The following COL6A3 variants were observed in gnomAD, a reference collection of about 807,000 sequenced individuals.
COL6A3 encodes the protein collagen type VI alpha 3 chain, also known as collagen alpha-3(VI) chain.
Under a neutral mutation model 274.1 loss-of-function variants are expected in COL6A3, and 137 were observed. The observed-to-expected ratio is 0.50, with a 90% confidence interval of 0.44 to 0.58. COL6A3 has a LOEUF of 0.58. Among genes scored for constraint, COL6A3 ranks in the 20% least tolerant of loss-of-function variants. The probability of loss-of-function intolerance (pLI) is 0.00; values close to 1 mark genes in which losing one functional copy is unlikely to be tolerated. For missense variants in COL6A3, 3,950 were observed against 4,124.9 expected (o/e 0.96, Z 1.16); for synonymous variants, 1,650 against 1,650.6 (o/e 1.00, Z 0.01).
intron 18 of COL6A3, 44 bp from the exon 19 acceptor site, chr2:237,359,294 T>C: frequency 1.2e-6 from 2 of 1,614,106 alleles, no homozygotes; most frequent in East Asian, 2.2e-5. Flanking sequence ...AAAGCTATTC[T>C]GGCAAAGGAA....
At chr2:237,350,557 T>C (rs2077184344) in intron 27 of COL6A3, among the ~76,000 whole-genome samples, 1 of 152,204 alleles carries the variant, frequency 6.6e-6, no homozygotes, top group Non-Finnish European at 1.5e-5. Flanking sequence ...GGAACTCATT[T>C]CTTTTACAGA....
At chr2:237,405,510 C>A (rs540234694) in intron 1 of COL6A3, among the ~76,000 whole-genome samples, 1 of 152,090 alleles carries the variant, frequency 6.6e-6, no homozygotes, top group Non-Finnish European at 1.5e-5. Flanking sequence ...ACCACCCTCC[C>A]GGAGGAAGGA....
intron 1 of COL6A3, among the ~76,000 whole-genome samples, chr2:237,404,807 A>G (rs558128341): frequency 2.2e-4 from 34 of 152,334 alleles, no homozygotes; most frequent in Non-Finnish European, 4.6e-4. Flanking sequence ...AGAGTGCTCA[A>G]TACAATCTAA....
chr2:237,396,862 AG>A lies in COL6A3; in HGVS notation c.-30-16del, dbSNP rs2078454965. The stretch of plus-strand genomic sequence containing the variant: ...CAAATATGAACCTAAAAGAGAAAAC[AG>A]GGCAAAGGGAATGATCAGTTTTTGA... On this transcript the variant is annotated splice_polypyrimidine_tract_variant and intron_variant, in intron 1 of 43. Transcript: ENST00000295550. The A allele has an allele frequency of 2.6e-6, 4 of 1,560,888 alleles. No homozygotes were observed. Among genetic ancestry groups the A allele is most frequent in the Non-Finnish European group, 3.5e-6 (4 of 1,131,932 alleles).
intron 1 of COL6A3, among the ~76,000 whole-genome samples, chr2:237,408,360 G>A (rs555399683): frequency 1.3e-5 from 2 of 152,288 alleles, no homozygotes; most frequent in South Asian, 2.1e-4. Flanking sequence ...TCTTCCATCT[G>A]TTGCCCTGGG....
chr2:237,338,660 C>G (rs1574935817), intron 39 of COL6A3, among the ~76,000 whole-genome samples: 1 of 152,054 alleles, frequency 6.6e-6, no homozygotes, highest in East Asian at 1.9e-4. Context: ...CCCAGCTACT[C>G]GGGAGGCTGA....
rs2077703494 is a variant in COL6A3, at chr2:237,372,009, G to A, written c.4008C>T (p.Val1336=). 6.2e-7 allele frequency: 1 copy of A among 1,614,002 alleles called. No homozygotes were observed. The highest frequency in any genetic ancestry group is 2.2e-5 in the East Asian group (1 of 44,884). Residue 1336 remains valine, a synonymous_variant, in exon 9 of 44, where the codon GTC becomes GTT. Transcript: ENST00000295550. ...ACGAGATGAGGACCAGGAACTGCGG[G>A]ACGCCCTCTTCAATGCGGCTCCCCA... ...RPLGSRIEEG[V]PQFLVLISSG...
In COL6A3 at chr2:237,366,901, C is replaced by T. The variant is rs2106350598; in HGVS notation, c.5286G>A (p.Val1762=). ...GGKSVEDAQD[V]SLALTQRGVK... ...CCCCCCTCTGGGTGAGGGCCAGGCT[C>T]ACATCCTGTGCATCTTCCACCGACT... Residue 1762 remains valine, a synonymous_variant, in exon 11 of 44, where the codon GTG becomes GTA. Coordinates refer to ENST00000295550, the MANE Select transcript of COL6A3 (RefSeq NM_004369.4). The T allele has an allele frequency of 1.2e-6, 2 of 1,614,246 alleles. No individual in the cohort carries two copies. The highest frequency in any genetic ancestry group is 1.1e-5 in the South Asian group (1 of 91,082).
At chr2:237,342,200 A>T (rs1184870184) in intron 36 of COL6A3, 39 bp from the exon 37 acceptor site, 1 of 1,484,802 alleles carries the variant, frequency 6.7e-7, no homozygotes, top group Non-Finnish European at 9.4e-7. Flanking sequence ...AGGGGCGTAC[A>T]TGATCAGTAA....
rs1271928667 is a variant in COL6A3 at position 237,374,855 on chromosome 2, T to C, written c.3236A>G (p.Glu1079Gly). 7 of 1,613,944 alleles carry C rather than the reference T, an allele frequency of 4.3e-6. No individual in the cohort carries two copies. In the Admixed American group the frequency reaches 8.3e-5, roughly 19 times the overall value. Reference sequence around the variant, plus strand: ...GTTCATGTATGAATTCAGGTAGAACTCGGGCCTGGTCCGGTCGCTGTACTG... The same window carrying C: ...GTTCATGTATGAATTCAGGTAGAACCCGGGCCTGGTCCGGTCGCTGTACTG... ...VVQYSDRTRP[E>G]FYLNSYMNKQ... The change falls in exon 8 of 44, where the codon GAG becomes GGG. Residue 1079 changes from glutamate (E) to glycine (G), a missense_variant. Around this residue, in one of 5 missense-constraint regions of COL6A3, gnomAD observed 1,934 missense variants for 1,984.3 expected, o/e 0.97. Coordinates refer to ENST00000295550, the MANE Select transcript of COL6A3 (RefSeq NM_004369.4). This position sits in a 1 kb window ranked among gnomAD's most constrained non-coding sequence, Gnocchi z 4.8.
chr2:237,388,685 G>C (rs1201172173), intron 3 of COL6A3, among the ~76,000 whole-genome samples: 2 of 152,168 alleles, frequency 1.3e-5, no homozygotes, highest in African/African-American at 4.8e-5. Flanking sequence ...ACAGAGTCAC[G>C]ATTTGGTGAT....
Position 237,368,466 on chromosome 2 carries a change from G to T in COL6A3, c.4900+97C>A. On this transcript the variant is annotated intron_variant, in intron 10 of 43. Coordinates refer to ENST00000295550, the MANE Select transcript of COL6A3 (RefSeq NM_004369.4). This position sits in a 1 kb window ranked among gnomAD's most constrained non-coding sequence, Gnocchi z 4.4. The stretch of plus-strand genomic sequence containing the variant: ...ATATTATCTGAAGAAACAACCCAGA[G>T]AGAAGAAAATTATTAAAAATGACTA... 1 of 1,437,504 alleles carries T rather than the reference G, an allele frequency of 7.0e-7. No individual in the cohort carries two copies. Among genetic ancestry groups the T allele is most frequent in the Non-Finnish European group, 9.4e-7 (1 of 1,059,590 alleles). 89.0% of individuals were successfully genotyped at this position (1,437,504 alleles called of 1,614,324 possible).
At chr2:237,363,758 A>G (rs1032789463) in intron 13 of COL6A3, among the ~76,000 whole-genome samples, 3 of 152,198 alleles carry the variant, frequency 2.0e-5, no homozygotes, top group African/African-American at 4.8e-5. Flanking sequence ...CCTCATCTCC[A>G]TTGCTTGGGA....
rs35227432 is a variant in COL6A3, at chr2:237,379,103, C to T, written c.2030G>A (p.Arg677His). The T allele has an allele frequency of 1.1e-3, 1,752 of 1,614,180 alleles. 19 individuals are homozygous for T. In the African/African-American group the frequency reaches 0.014, roughly 13 times the overall value. ...GTCACTAAATTGCACTAAACCAACA[C>T]GAATATTGTCATTTCCAATATCAAG... The part of the protein sequence containing the change: ...NSLDIGNDNI[R>H]VGLVQFSDTP... The change falls in exon 6 of 44, where the codon CGT (arginine) becomes CAT (histidine). Residue 677 changes from arginine (R) to histidine (H), a missense_variant. Around this residue, in one of 5 missense-constraint regions of COL6A3, gnomAD observed 1,934 missense variants for 1,984.3 expected, o/e 0.97. Transcript: ENST00000295550.
At chr2:237,325,164 A>G (rs994620182) in intron 43 of COL6A3, among the ~76,000 whole-genome samples, 1 of 152,204 alleles carries the variant, frequency 6.6e-6, no homozygotes, top group Non-Finnish European at 1.5e-5. Context: ...AATATAATGG[A>G]GATACTGGAT....
chr2:237,352,677 C>A, intron 25 of COL6A3, 93 bp from the exon 26 acceptor site: 4 of 1,257,648 alleles, frequency 3.2e-6, no homozygotes, highest in Admixed American at 3.9e-5. Flanking sequence ...GGGCCTGGAA[C>A]CTCACTTCTG....
rs374447921 is a variant in COL6A3, at chr2:237,374,720, G to A, written c.3371C>T (p.Ala1124Val). Residue 1124 changes from alanine to valine, a missense_variant, in exon 8 of 44, where the codon GCG becomes GTG. Around this residue, in one of 5 missense-constraint regions of COL6A3, gnomAD observed 1,934 missense variants for 1,984.3 expected, o/e 0.97. Coordinates refer to ENST00000295550, the MANE Select transcript of COL6A3 (RefSeq NM_004369.4). The surrounding 1 kb of genome is among the most constrained non-coding windows in gnomAD (Gnocchi z 4.8). ...FVLRNILVSS[A>V]GSRITEGVPQ... ...CACACCTTCTGTTATCCTGCTTCCC[G>A]CAGAGCTGACCAGGATGTTCCTCAG... 1.9e-5 allele frequency: 31 copies of A among 1,613,318 alleles called. No homozygotes were observed. The highest frequency in any genetic ancestry group is 1.3e-4 in the Admixed American group (8 of 60,016).
chr2:237,344,272 G>C lies in COL6A3; in HGVS notation c.7668+78C>G, dbSNP rs547377963. 9.1e-5 allele frequency: 146 copies of C among 1,606,826 alleles called. No individual in the cohort carries two copies. Among genetic ancestry groups the C allele is most frequent in the Non-Finnish European group, 1.2e-4 (141 of 1,174,966 alleles). ...GAGCTATGGGACATGAAGCCACAAA[G>C]GAGCATGGACGTGTCTGAGAACCTT... On this transcript the variant is annotated intron_variant, in intron 36 of 43. Transcript: ENST00000295550. This position sits in a 1 kb window ranked among gnomAD's most constrained non-coding sequence, Gnocchi z 4.8.
chr2:237,376,850 ACT>A lies in COL6A3; in HGVS notation c.2990_2991del (p.Glu997ValfsTer30), dbSNP rs1305498410. On this transcript the variant is annotated frameshift_variant, in exon 7 of 44. Coordinates refer to ENST00000295550, the MANE Select transcript of COL6A3 (RefSeq NM_004369.4). LOFTEE classifies it high-confidence loss of function. ...VLSPAFILAAESLPKIGDLHP... is the reference protein window; with the variant it reads ...VLSPAFILAAXSLPKIGDLHP... ...TGAAGATCTCCAATCTTGGGAAGCGACTCTGCAGCCAGGATAAACGCTGGAGA... is the reference window on the plus strand; with the variant it reads ...TGAAGATCTCCAATCTTGGGAAGCGACTGCAGCCAGGATAAACGCTGGAGA... 1 of 1,614,174 alleles carries A rather than the reference ACT, an allele frequency of 6.2e-7. No homozygotes were observed. The highest frequency in any genetic ancestry group is 1.1e-5 in the South Asian group (1 of 91,086).
Sources: allele counts gnomAD v4.1 joint callset (sites outside exome capture counted in the v4.1 genomes callset), GRCh38; gene constraint gnomAD v4.1.1; regional missense constraint gnomAD v4.1.1; non-coding constraint Gnocchi (gnomAD v3.1); transcripts MANE v1.5; gene names NCBI Gene and HGNC (gene_info 2026-07-23, HGNC 2026-07-21).